AQP1: variants seen among roughly 807,000 people sequenced by gnomAD.
AQP1 encodes the protein aquaporin 1 (Colton blood group).
Under a neutral mutation model 19.7 loss-of-function variants are expected in AQP1, and 11 were observed. That is an observed-to-expected ratio of 0.56 (90% CI 0.35 to 0.92). The LOEUF (loss-of-function observed/expected upper bound fraction) is 0.92, where lower values mean the gene tolerates loss of function less well. AQP1 is among the 40% of genes least tolerant of loss of function. The pLI is 0.01. For missense variants in AQP1, 320 were observed against 369.7 expected, an observed-to-expected ratio of 0.87 and a Z score of 1.10; for synonymous variants, 159 against 166.7, an observed-to-expected ratio of 0.95 and a Z score of 0.36.
At chr7:30,919,795 A>G (rs1284605580) in intron 1 of AQP1, among the ~76,000 whole-genome samples, 1 of 152,228 alleles carries the variant, frequency 6.6e-6, no homozygotes, top group East Asian at 1.9e-4. Context: ...ATTCTGAATT[A>G]TCAAGTGTTT....
In AQP1 at chr7:30,922,168, G is replaced by A; in HGVS notation, c.487G>A (p.Asp163Asn). 1.2e-6 allele frequency: 2 copies of A among 1,613,290 alleles called. No homozygotes were observed. The highest frequency in any genetic ancestry group is 1.1e-5 in the South Asian group (1 of 91,084). ...VLATTDRRRR[D>N]LGGSAPLAIG... ...GGCTACTACCGACCGGAGGCGCCGT[G>A]ACCTTGGTGGCTCAGCCCCCCTTGC... The change falls in exon 2 of 4, where the codon GAC becomes AAC. Residue 163 changes from aspartate to asparagine, a missense_variant. Asp to Asn is a conservative substitution (Grantham distance 23). Coordinates refer to ENST00000311813, the MANE Select transcript of AQP1 (RefSeq NM_198098.4).
intron 1 of AQP1, among the ~76,000 whole-genome samples, chr7:30,919,047 A>G (rs1162553445): frequency 6.6e-6 from 1 of 152,204 alleles, no homozygotes; most frequent in Non-Finnish European, 1.5e-5. Flanking sequence ...TAGAAAGTGA[A>G]GAAGACCGCC....
chr7:30,919,509 C>T (rs992770701), intron 1 of AQP1, among the ~76,000 whole-genome samples: 2 of 150,270 alleles, frequency 1.3e-5, no homozygotes, highest in African/African-American at 4.9e-5. Context: ...CAGACAAAAG[C>T]GGGAAGACAA....
chr7:30,913,127 T>C (rs1187742672), intron 1 of AQP1, among the ~76,000 whole-genome samples: 3 of 152,094 alleles, frequency 2.0e-5, no homozygotes, highest in African/African-American at 7.2e-5. Context: ...TGCCCATGGC[T>C]CCTGGCTTGA....
intron 1 of AQP1, chr7:30,921,173 G>A: frequency 1.5e-6 from 1 of 684,196 alleles, no homozygotes; most frequent in Non-Finnish European, 1.8e-6. Context: ...CCCTGGGACG[G>A]CCACAAAGCA....
chr7:30,922,038 C>T (rs368902803), intron 1 of AQP1, 28 bp from the exon 2 acceptor site: 17 of 1,612,908 alleles, frequency 1.1e-5, no homozygotes, highest in Non-Finnish European at 1.4e-5. Context: ...CCCTCCTCAC[C>T]AGTCCTCACC....
chr7:30,923,842 A>T lies in AQP1; in HGVS notation c.*213A>T. The stretch of plus-strand genomic sequence containing the variant: ...CTGGCCTCAGAGCTTCCTGGGGACC[A>T]AGATTTACCAATTCACCCACTCCCT... On this transcript the variant is annotated 3_prime_UTR_variant, in exon 4 of 4. Transcript: ENST00000311813. This position sits in a 1 kb window ranked among gnomAD's most constrained non-coding sequence, Gnocchi z 4.8. 6.6e-7 allele frequency: 1 copy of T among 1,526,030 alleles called. No homozygotes were observed. The highest frequency in any genetic ancestry group is 1.2e-5 in the South Asian group (1 of 85,466). 94.5% of individuals were successfully genotyped at this position (1,526,030 alleles called of 1,614,324 possible).
intron 2 of AQP1, 50 bp downstream of exon 2, chr7:30,922,280 C>A (rs1022014652): frequency 3.3e-6 from 5 of 1,534,484 alleles, no homozygotes; most frequent in African/African-American, 2.7e-5. Context: ...AGGGCGGGGG[C>A]TGGTGGGGTG....
At chr7:30,914,804 T>C (rs957615157) in intron 1 of AQP1, among the ~76,000 whole-genome samples, 2 of 152,032 alleles carry the variant, frequency 1.3e-5, no homozygotes, top group African/African-American at 4.8e-5. Context: ...TGGCAGGAAG[T>C]GGTTGGGGTG....
chr7:30,922,368 C>A, intron 2 of AQP1, 138 bp downstream of exon 2: 1 of 1,402,314 alleles, frequency 7.1e-7, no homozygotes, highest in Non-Finnish European at 9.7e-7. Flanking sequence ...GCGCTGGGGG[C>A]TGGGGGCAGG....
intron 1 of AQP1, among the ~76,000 whole-genome samples, chr7:30,919,995 C>G (rs1319880156): frequency 1.3e-5 from 2 of 152,194 alleles, no homozygotes; most frequent in East Asian, 3.9e-4. Flanking sequence ...GACCCCTCCC[C>G]TTCCCAAGGA....
chr7:30,921,945 A>T, intron 1 of AQP1, 121 bp from the exon 2 acceptor site: 1 of 1,560,800 alleles, frequency 6.4e-7, no homozygotes, highest in Non-Finnish European at 8.7e-7. Flanking sequence ...TGGGCTCTGA[A>T]GGCCCATCTG....
chr7:30,921,384 A>G lies in AQP1; in HGVS notation c.385-682A>G, dbSNP rs895945979. The G allele has an allele frequency of 2.1e-6, 3 of 1,408,054 alleles. No homozygotes were observed. The Admixed American group carries it at 8.7e-5, about 41-fold the overall frequency. The allele number at this position is 1,408,054 out of a possible 1,614,324, so 87.2% of individuals were successfully genotyped here. A position where few individuals can be genotyped will look rare whatever the true frequency, so the allele number is the denominator to read the frequency against. ...GCAGAGGGAGGGTGAGGCTGAGGCC[A>G]GCAGTGGGGAGGAAGAAGAGAGAAG... On this transcript the variant is annotated intron_variant, in intron 1 of 3. Transcript: ENST00000311813.
chr7:30,912,009 G>C lies in AQP1; in HGVS notation c.100G>C (p.Gly34Arg), dbSNP rs1283558986. The C allele has an allele frequency of 1.2e-6, 2 of 1,613,656 alleles. No individual in the cohort carries two copies. Among genetic ancestry groups the C allele is most frequent in the East Asian group, 2.2e-5 (1 of 44,888 alleles). Reference sequence around the variant, plus strand: ...CTTCATCAGCATCGGTTCTGCCCTGGGCTTCAAATACCCGGTGGGGAACAA... The same window carrying C: ...CTTCATCAGCATCGGTTCTGCCCTGCGCTTCAAATACCCGGTGGGGAACAA... ...FVFISIGSAL[G>R]FKYPVGNNQT... Residue 34 changes from glycine (G) to arginine (R), a missense_variant, in exon 1 of 4, where the codon GGC (glycine) becomes CGC (arginine). Gly to Arg is a moderately radical substitution (Grantham distance 125, BLOSUM62 -2). Coordinates refer to ENST00000311813, the MANE Select transcript of AQP1 (RefSeq NM_198098.4). This position sits in a 1 kb window ranked among gnomAD's most constrained non-coding sequence, Gnocchi z 4.3.
intron 2 of AQP1, 135 bp from the exon 3 acceptor site, chr7:30,922,429 C>T: frequency 2.4e-6 from 3 of 1,274,236 alleles, no homozygotes; most frequent in South Asian, 2.4e-5. Context: ...TTGGGGTCAG[C>T]ACTCCTCTTT....
intron 1 of AQP1, among the ~76,000 whole-genome samples, chr7:30,913,791 C>T (rs537802433): frequency 1.3e-5 from 2 of 152,250 alleles, no homozygotes; most frequent in Non-Finnish European, 2.9e-5. Flanking sequence ...CCAGTTTAGA[C>T]GTGGCCGCGG....
At chr7:30,914,502 T>C (rs28362701) in intron 1 of AQP1, among the ~76,000 whole-genome samples, 7,441 of 152,260 alleles carry the variant, frequency 0.049, 471 homozygotes, top group East Asian at 0.26. Context: ...GGCGCTGTCC[T>C]GTCCCAACAG....
rs527380218 is a variant in AQP1 at position 30,923,985 on chromosome 7, G to A, written c.*356G>A. The A allele has an allele frequency of 4.3e-6, 6 of 1,380,204 alleles. No individual in the cohort carries two copies. Among genetic ancestry groups the A allele is most frequent in the East Asian group, 4.1e-5 (1 of 24,574 alleles). 85.5% of individuals were successfully genotyped at this position (1,380,204 alleles called of 1,614,324 possible). A position where few individuals can be genotyped will look rare whatever the true frequency, so the allele number is the denominator to read the frequency against. On this transcript the variant is annotated 3_prime_UTR_variant, in exon 4 of 4. Transcript: ENST00000311813. The surrounding 1 kb of genome is among the most constrained non-coding windows in gnomAD (Gnocchi z 4.8). ...CAAAGTTGCTCACCGACTCACCTGCGCAAGTGCCTGGGATTCTACCGTAAT... is the reference window on the plus strand; with the variant it reads ...CAAAGTTGCTCACCGACTCACCTGCACAAGTGCCTGGGATTCTACCGTAAT...
Position 30,912,140 on chromosome 7 carries a change from G to C in AQP1, c.231G>C (p.Pro77=), listed in dbSNP as rs112240167. The C allele has an allele frequency of 1.5e-5, 25 of 1,613,098 alleles. No homozygotes were observed. The highest frequency in any genetic ancestry group is 1.9e-5 in the Non-Finnish European group (22 of 1,180,038). ...ACATCAGCGGCGCCCACCTCAACCC[G>C]GCTGTCACACTGGGGCTGCTGCTCA... ...VGHISGAHLN[P]AVTLGLLLSC... Residue 77 remains proline (P), a synonymous_variant, in exon 1 of 4, where the codon CCG becomes CCC. Coordinates refer to ENST00000311813, the MANE Select transcript of AQP1 (RefSeq NM_198098.4). This position sits in a 1 kb window ranked among gnomAD's most constrained non-coding sequence, Gnocchi z 4.3.
Sources: allele counts gnomAD v4.1 joint callset (sites outside exome capture counted in the v4.1 genomes callset), GRCh38; gene constraint gnomAD v4.1.1; non-coding constraint Gnocchi (gnomAD v3.1); transcripts MANE v1.5; gene names NCBI Gene and HGNC (gene_info 2026-07-23, HGNC 2026-07-21).